PCSK2: variants seen among roughly 807,000 people sequenced by gnomAD.
PCSK2 encodes the protein proprotein convertase subtilisin/kexin type 2.
Under a neutral mutation model 69.7 loss-of-function variants are expected in PCSK2, and 14 were observed. The ratio of observed to expected loss-of-function variants is 0.20; its 90% confidence interval spans 0.13 to 0.31. PCSK2 has a LOEUF of 0.31. PCSK2 is among the 10% of genes least tolerant of loss of function. The pLI is 1.00. For synonymous variants in PCSK2, 307 were observed against 320.7 expected (o/e 0.96, Z 0.46); for missense variants, 544 against 842.5 (o/e 0.65, Z 4.39).
At chr20:17,259,972 T>G (rs1383542054) in intron 1 of PCSK2, among the ~76,000 whole-genome samples, 1 of 151,994 alleles carries the variant, frequency 6.6e-6, no homozygotes, top group Non-Finnish European at 1.5e-5. Flanking sequence ...AATCAAAGGA[T>G]GTGCAGAAAG....
At chr20:17,418,733 G>A (rs2032056713) in intron 6 of PCSK2, among the ~76,000 whole-genome samples, 1 of 152,132 alleles carries the variant, frequency 6.6e-6, no homozygotes, top group African/African-American at 2.4e-5. Context: ...AGACACCAAG[G>A]CATCCCACAG....
chr20:17,307,972 A>G (rs1934889), intron 2 of PCSK2, among the ~76,000 whole-genome samples: 50,550 of 148,010 alleles, frequency 0.34, 9,540 homozygotes, highest in East Asian at 0.57. Context: ...AGGTAAAAGG[A>G]GAGCAGGCAT....
chr20:17,270,713 A>G (rs538994379), intron 2 of PCSK2, among the ~76,000 whole-genome samples: 1 of 152,288 alleles, frequency 6.6e-6, no homozygotes, highest in African/African-American at 2.4e-5. Flanking sequence ...TTAGAGAATC[A>G]ACATGAGAAA....
chr20:17,230,360 A>G (rs1287141048), intron 1 of PCSK2, among the ~76,000 whole-genome samples: 2 of 152,250 alleles, frequency 1.3e-5, no homozygotes, highest in African/African-American at 4.8e-5. Context: ...TCACAAATCT[A>G]TGAGAGAAAT....
chr20:17,279,162 G>T lies in PCSK2; in HGVS notation c.282+18818G>T, dbSNP rs185286731. 2.0e-5 allele frequency among the ~76,000 whole-genome samples: 3 copies of T among 152,026 alleles called. No individual in the cohort carries two copies. In the South Asian group the frequency reaches 6.2e-4, roughly 32 times the overall value. ...CATTTCCCTTTCTCAGATTATTTCC[G>T]CATTCCGATGCAGAATGTCCTTCAT... is the stretch of plus-strand genomic sequence containing the variant. On this transcript the variant is annotated intron_variant, in intron 2 of 11. Transcript: ENST00000262545.
At chr20:17,227,780 C>T (rs1253608477) in intron 1 of PCSK2, among the ~76,000 whole-genome samples, 2 of 152,154 alleles carry the variant, frequency 1.3e-5, no homozygotes, top group Admixed American at 6.5e-5. Flanking sequence ...GTCCGAGGTA[C>T]CAAGTTCTCG....
At chr20:17,322,149 A>G (rs1989887507) in intron 2 of PCSK2, among the ~76,000 whole-genome samples, 1 of 152,196 alleles carries the variant, frequency 6.6e-6, no homozygotes, top group South Asian at 2.1e-4. Flanking sequence ...AGCTTATCAC[A>G]CTTCCTGCAA....
At chr20:17,275,127 A>G (rs1988018709) in intron 2 of PCSK2, among the ~76,000 whole-genome samples, 1 of 148,730 alleles carries the variant, frequency 6.7e-6, no homozygotes, top group African/African-American at 2.5e-5. Context: ...TTGGGCGACT[A>G]ATGAAAAATG....
At chr20:17,238,293 A>AC (rs1986419757) in intron 1 of PCSK2, among the ~76,000 whole-genome samples, 1 of 38,828 alleles carries the variant, frequency 2.6e-5, no homozygotes. Flanking sequence ...TTGTCAGACC[A>AC]CTGGAGATTG....
intron 11 of PCSK2, among the ~76,000 whole-genome samples, chr20:17,480,754 G>A (rs534589784): frequency 6.6e-6 from 1 of 152,338 alleles, no homozygotes; most frequent in East Asian, 1.9e-4. Context: ...ACCGTGGGCA[G>A]CTGAGCTCAG....
intron 5 of PCSK2, among the ~76,000 whole-genome samples, chr20:17,392,116 T>A (rs780560347): frequency 2.6e-5 from 4 of 152,122 alleles, no homozygotes; most frequent in Non-Finnish European, 5.9e-5. Context: ...TTAGGCTATA[T>A]CCCCCAAGGT....
intron 2 of PCSK2, among the ~76,000 whole-genome samples, chr20:17,270,006 T>C (rs928929412): frequency 2.0e-5 from 3 of 152,156 alleles, no homozygotes; most frequent in Non-Finnish European, 4.4e-5. Flanking sequence ...TTTTCTAGGA[T>C]ATAATTTCTC....
At position 17,482,099 on chromosome 20, in the gene PCSK2, T is replaced by G. The variant is rs1177709078; in HGVS notation, c.*29T>G. ...TGCACATCCGCCTTTCCCACCGCCC[T>G]CCCTCCCCAGCTCCGCCTCTGTCCT... On this transcript the variant is annotated 3_prime_UTR_variant, in exon 12 of 12. Coordinates refer to ENST00000262545, the MANE Select transcript of PCSK2 (RefSeq NM_002594.5). 1 of 1,526,026 alleles carries G rather than the reference T, an allele frequency of 6.6e-7. No individual in the cohort carries two copies. Among genetic ancestry groups the G allele is most frequent in the Non-Finnish European group, 8.8e-7 (1 of 1,139,330 alleles). 94.5% of individuals were successfully genotyped at this position (1,526,026 alleles called of 1,614,324 possible). A position where few individuals can be genotyped will look rare whatever the true frequency, so the allele number is the denominator to read the frequency against.
chr20:17,341,776 G>C (rs1196718289), intron 2 of PCSK2, among the ~76,000 whole-genome samples: 1 of 152,190 alleles, frequency 6.6e-6, no homozygotes, highest in Admixed American at 6.5e-5. Flanking sequence ...AAGAGGGACA[G>C]ACACAAGAGT....
chr20:17,338,171 T>TGG (rs71192374), intron 2 of PCSK2, among the ~76,000 whole-genome samples: 11,099 of 112,396 alleles, frequency 0.099, 877 homozygotes, highest in Middle Eastern at 0.14. Context: ...ACATTTTTTT[T>TGG]GGGGGGGGGG....
rs771368573 is a variant in PCSK2, at chr20:17,277,788, C to T, written c.282+17444C>T. ...ACCATCAGAGTGAACAGGCAACCTACAGAATGGGAGAAAATTTTTGCAACC... is the reference window on the plus strand; with the variant it reads ...ACCATCAGAGTGAACAGGCAACCTATAGAATGGGAGAAAATTTTTGCAACC... On this transcript the variant is annotated intron_variant, in intron 2 of 11. Transcript: ENST00000262545. Among the ~76,000 whole-genome samples, 8 of 152,064 alleles carry T rather than the reference C, an allele frequency of 5.3e-5. No homozygotes were observed. The East Asian group carries it at 1.5e-3, about 29-fold the overall frequency.
At chr20:17,325,808 G>A (rs1990030407) in intron 2 of PCSK2, among the ~76,000 whole-genome samples, 1 of 152,036 alleles carries the variant, frequency 6.6e-6, no homozygotes, top group South Asian at 2.1e-4. Context: ...CAAGCCACCA[G>A]TGGGATGGCC....
At position 17,331,322 on chromosome 20, in the gene PCSK2, A is replaced by T. The variant is rs191272811; in HGVS notation, c.283-27005A>T. ...ATAACCCCGTACAGTTTACACTTTC[A>T]TGAGTGTCACCTTCATTTTACCCAG... On this transcript the variant is annotated intron_variant, in intron 2 of 11. Coordinates refer to ENST00000262545, the MANE Select transcript of PCSK2 (RefSeq NM_002594.5). 2.9e-4 allele frequency among the ~76,000 whole-genome samples: 44 copies of T among 152,316 alleles called. No individual in the cohort carries two copies. The East Asian group carries it at 7.9e-3, about 27-fold the overall frequency.
intron 1 of PCSK2, among the ~76,000 whole-genome samples, chr20:17,228,476 G>T (rs1485720979): frequency 6.6e-6 from 1 of 152,126 alleles, no homozygotes; most frequent in Non-Finnish European, 1.5e-5. Flanking sequence ...GCAGGCTGGG[G>T]TGGAGTGTGG....
Sources: allele counts gnomAD v4.1 joint callset (sites outside exome capture counted in the v4.1 genomes callset), GRCh38; gene constraint gnomAD v4.1.1; transcripts MANE v1.5; gene names NCBI Gene and HGNC (gene_info 2026-07-23, HGNC 2026-07-21).